The following NRG1 variants were observed in gnomAD, a reference collection of about 807,000 sequenced individuals.
NRG1 encodes neuregulin 1.
In NRG1, 18 loss-of-function variants were observed where a neutral mutation model predicts 63.8. That is an observed-to-expected ratio of 0.28 (90% CI 0.19 to 0.42). The LOEUF is 0.42. Among genes scored for constraint, NRG1 ranks in the 10% least tolerant of loss-of-function variants. NRG1 has a pLI of 1.00. For synonymous variants in NRG1, 302 were observed against 301.3 expected, an observed-to-expected ratio of 1.00 and a Z score of -0.02; for missense variants, 762 against 814.7, an observed-to-expected ratio of 0.94 and a Z score of 0.79.
intron 1 of NRG1, among the ~76,000 whole-genome samples, chr8:32,595,586 G>A (rs2439287): frequency 6.6e-6 from 1 of 152,058 alleles, no homozygotes; most frequent in African/African-American, 2.4e-5. Context: ...AAACTATCTA[G>A]AATTTTTTTA....
At chr8:32,229,298 TTACTC>T (rs1846654325) in intron 1 of NRG1, among the ~76,000 whole-genome samples, 1 of 152,190 alleles carries the variant, frequency 6.6e-6, no homozygotes, top group South Asian at 2.1e-4. Context: ...TTTTGTGTCT[TTACTC>T]TAGATGTAAA....
intron 1 of NRG1, among the ~76,000 whole-genome samples, chr8:32,411,099 C>T (rs1814878009): frequency 1.3e-5 from 2 of 152,058 alleles, no homozygotes; most frequent in Admixed American, 1.3e-4. Context: ...TGGTCTCGAT[C>T]TGGTGACCTC....
intron 1 of NRG1, among the ~76,000 whole-genome samples, chr8:32,177,736 C>T (rs1038735379): frequency 1.3e-5 from 2 of 151,656 alleles, no homozygotes; most frequent in Non-Finnish European, 2.9e-5. Context: ...CAAAATAAAC[C>T]ACTTTGCATG....
chr8:32,065,995 T>C (rs1586848663), intron 1 of NRG1, among the ~76,000 whole-genome samples: 1 of 152,364 alleles, frequency 6.6e-6, no homozygotes, highest in East Asian at 1.9e-4. Flanking sequence ...TTTTGAGAAG[T>C]GTCTGTTCCT....
At chr8:31,920,511 C>G (rs192251209) in intron 1 of NRG1, among the ~76,000 whole-genome samples, 8 of 152,254 alleles carry the variant, frequency 5.3e-5, no homozygotes, top group African/African-American at 1.9e-4. Context: ...TGATGTGACT[C>G]TGATGTAACC....
intron 1 of NRG1, among the ~76,000 whole-genome samples, chr8:32,299,940 A>G (rs1855392697): frequency 6.6e-6 from 1 of 152,200 alleles, no homozygotes; most frequent in Non-Finnish European, 1.5e-5. Context: ...CCCTAAGACT[A>G]TTACATTTCA....
At chr8:31,825,387 C>CAA (rs879571900) in intron 1 of NRG1, among the ~76,000 whole-genome samples, 8 of 111,166 alleles carry the variant, frequency 7.2e-5, no homozygotes, top group Non-Finnish European at 9.5e-5. Context: ...GACTCCATCT[C>CAA]AAAAAAAAAA....
chr8:31,960,545 G>A (rs1805276205), intron 1 of NRG1, among the ~76,000 whole-genome samples: 1 of 152,208 alleles, frequency 6.6e-6, no homozygotes, highest in Admixed American at 6.5e-5. Context: ...GCTCTTCTGA[G>A]TCATGTTAGA....
intron 1 of NRG1, among the ~76,000 whole-genome samples, chr8:31,831,352 G>A (rs745316850): frequency 3.3e-5 from 5 of 151,952 alleles, no homozygotes; most frequent in Admixed American, 6.6e-5. Flanking sequence ...ATCTGCCCCC[G>A]TTGGCCTCCC....
At chr8:32,733,584 C>T (rs1012354947) in intron 6 of NRG1, among the ~76,000 whole-genome samples, 2 of 152,084 alleles carry the variant, frequency 1.3e-5, no homozygotes, top group Admixed American at 1.3e-4. Context: ...CTTCCACAGG[C>T]TTAGCGTCCC....
At chr8:31,966,902 C>T (rs1349817693) in intron 1 of NRG1, among the ~76,000 whole-genome samples, 1 of 152,054 alleles carries the variant, frequency 6.6e-6, no homozygotes, top group Non-Finnish European at 1.5e-5. Flanking sequence ...TTCGGTTCTG[C>T]CCTAACGGAG....
At chr8:32,306,946 C>T (rs11988662) in intron 1 of NRG1, among the ~76,000 whole-genome samples, 3,328 of 152,226 alleles carry the variant, frequency 0.022, 133 homozygotes, top group African/African-American at 0.075. Context: ...TAATCCCTAG[C>T]AGGTTTTTAA....
At chr8:31,907,069 C>T (rs572282498) in intron 1 of NRG1, among the ~76,000 whole-genome samples, 4 of 152,210 alleles carry the variant, frequency 2.6e-5, no homozygotes, top group Admixed American at 6.5e-5. Context: ...AAAGTATTTG[C>T]GGTGTTTTGG....
chr8:32,511,531 G>A (rs1233472803), intron 1 of NRG1, among the ~76,000 whole-genome samples: 5 of 151,676 alleles, frequency 3.3e-5, no homozygotes, highest in Non-Finnish European at 7.4e-5. Context: ...TCTGATCAGT[G>A]TTCCACTTAA....
intron 5 of NRG1, among the ~76,000 whole-genome samples, chr8:32,667,315 T>C (rs552538920): frequency 5.0e-4 from 76 of 152,344 alleles, no homozygotes; most frequent in African/African-American, 1.7e-3. Flanking sequence ...CAAAATGTCC[T>C]TATATGGCAC....
intron 1 of NRG1, among the ~76,000 whole-genome samples, chr8:32,018,532 G>A (rs1190174304): frequency 1.3e-5 from 2 of 152,090 alleles, no homozygotes; most frequent in East Asian, 3.9e-4. Flanking sequence ...CAGAAAATAT[G>A]TACTCTTTGT....
In NRG1 at chr8:31,668,417, A is replaced by T. The variant is rs1017003318; in HGVS notation, c.37+28986A>T. ...CCCCAGATGTTTTTCCAGGATGGGT[A>T]GTAACAGAGAGGGATATCTCTTTGT... On this transcript the variant is annotated intron_variant, in intron 1 of 10. Transcript: ENST00000519301. Among the ~76,000 whole-genome samples the T allele has an allele frequency of 3.3e-5, 5 of 152,318 alleles. No individual in the cohort carries two copies. In the East Asian group the frequency reaches 9.6e-4, roughly 29 times the overall value.
chr8:31,726,717 A>G (rs1336292610), intron 1 of NRG1, among the ~76,000 whole-genome samples: 1 of 152,092 alleles, frequency 6.6e-6, no homozygotes, highest in Admixed American at 6.5e-5. Flanking sequence ...GTAGAATCCC[A>G]TCTGATCCTA....
chr8:31,677,405 T>G (rs1357600708), intron 1 of NRG1, among the ~76,000 whole-genome samples: 1 of 152,336 alleles, frequency 6.6e-6, no homozygotes, highest in South Asian at 2.1e-4. Flanking sequence ...AAATAGATTC[T>G]ATATAGATAT....
Sources: gnomAD v4.1 joint callset for allele counts (sites outside exome capture counted in the v4.1 genomes callset) on GRCh38, gnomAD v4.1.1 for gene constraint, MANE v1.5 for transcripts, NCBI Gene and HGNC (gene_info 2026-07-23, HGNC 2026-07-21) for gene names.